TAFA4: variants seen among roughly 807,000 people sequenced by gnomAD.
TAFA4 encodes chemokine-like protein TAFA-4.
In TAFA4, 20 loss-of-function variants were observed where a neutral mutation model predicts 21.1. The observed-to-expected ratio is 0.95, with a 90% CI of 0.67 to 1.38. TAFA4 has a LOEUF of 1.38. Ranked by LOEUF, TAFA4 falls within the 40% of genes most tolerant of loss-of-function variation. The pLI is 0.00. For synonymous variants in TAFA4, 71 were observed against 67.4 expected (o/e 1.05, Z -0.26); for missense variants, 211 against 180.9 (o/e 1.17, Z -0.95).
At chr3:68,760,816 G>C (rs1702744250) in intron 3 of TAFA4, among the ~76,000 whole-genome samples, 1 of 152,122 alleles carries the variant, frequency 6.6e-6, no homozygotes, top group Non-Finnish European at 1.5e-5. Context: ...TTTTAATCAA[G>C]GAAGACATCG....
At chr3:68,885,080 TA>T in intron 2 of TAFA4, 94 bp downstream of exon 2, 2 of 1,235,628 alleles carry the variant, frequency 1.6e-6, no homozygotes, top group Non-Finnish European at 2.3e-6. Flanking sequence ...AGCAGGCTTC[TA>T]AAACGGATCA....
At chr3:68,918,239 T>A (rs909775915) in intron 1 of TAFA4, among the ~76,000 whole-genome samples, 6 of 151,730 alleles carry the variant, frequency 4.0e-5, no homozygotes, top group African/African-American at 1.5e-4. Context: ...TGGTAAGAAA[T>A]GAGAGATGGT....
chr3:68,799,191 G>A (rs1173347140), intron 3 of TAFA4, among the ~76,000 whole-genome samples: 1 of 152,164 alleles, frequency 6.6e-6, no homozygotes, highest in East Asian at 1.9e-4. Context: ...CATTCAGGCT[G>A]CTGTAACAAT....
chr3:68,819,733 T>C (rs1331892702), intron 3 of TAFA4, among the ~76,000 whole-genome samples: 4 of 152,110 alleles, frequency 2.6e-5, no homozygotes. Context: ...AAAGCCACAG[T>C]AAGATATCCC....
intron 3 of TAFA4, among the ~76,000 whole-genome samples, chr3:68,868,434 T>C (rs2089444145): frequency 1.3e-5 from 2 of 151,994 alleles, no homozygotes; most frequent in Admixed American, 1.3e-4. Context: ...TTCATCCAGC[T>C]GCTGCAAAAT....
At chr3:68,909,226 T>C (rs183844955) in intron 1 of TAFA4, among the ~76,000 whole-genome samples, 3 of 152,278 alleles carry the variant, frequency 2.0e-5, no homozygotes, top group East Asian at 1.9e-4. Context: ...GAATTTAGTA[T>C]CTGAAGTTCT....
In TAFA4 at chr3:68,782,527, T is replaced by C. The variant is rs201946871; in HGVS notation, c.131-29509A>G. Among the ~76,000 whole-genome samples, 37 of 152,300 alleles carry C rather than the reference T, an allele frequency of 2.4e-4. No homozygotes were observed. The East Asian group carries it at 6.7e-3, about 28-fold the overall frequency. On this transcript the variant is annotated intron_variant, in intron 3 of 5. Transcript: ENST00000295569. ...GGATGAATGAATAAATAAAATGTGA[T>C]ATATTCATACAATAAATTATCCAGT...
At chr3:68,739,427 C>CT (rs1248093485) in intron 4 of TAFA4, among the ~76,000 whole-genome samples, 2 of 152,150 alleles carry the variant, frequency 1.3e-5, no homozygotes, top group African/African-American at 2.4e-5. Context: ...AAAGGGAATG[C>CT]TTATACACTG....
At chr3:68,894,305 C>T (rs1016910049) in intron 1 of TAFA4, among the ~76,000 whole-genome samples, 9 of 152,018 alleles carry the variant, frequency 5.9e-5, no homozygotes, top group African/African-American at 1.9e-4. Context: ...ATGATAGGCA[C>T]GCATCCCCAT....
At chr3:68,869,577 G>A (rs567337428) in intron 3 of TAFA4, among the ~76,000 whole-genome samples, 36 of 152,154 alleles carry the variant, frequency 2.4e-4, no homozygotes, top group African/African-American at 7.9e-4. Context: ...CAATAAACAT[G>A]ATACATCAGA....
intron 2 of TAFA4, 41 bp from the exon 3 acceptor site, chr3:68,880,886 A>C: frequency 6.5e-7 from 1 of 1,532,074 alleles, no homozygotes; most frequent in Non-Finnish European, 9.0e-7. Flanking sequence ...GGGCTGAGGA[A>C]GGCCAGACTC....
chr3:68,823,952 CCTATTT>C (rs1704168788), intron 3 of TAFA4, among the ~76,000 whole-genome samples: 1 of 152,060 alleles, frequency 6.6e-6, no homozygotes, highest in Non-Finnish European at 1.5e-5. Flanking sequence ...TCTCTTCTGT[CCTATTT>C]CTGATTTTAT....
chr3:68,833,264 C>A (rs1575631506), intron 3 of TAFA4, among the ~76,000 whole-genome samples: 1 of 152,192 alleles, frequency 6.6e-6, no homozygotes, highest in East Asian at 1.9e-4. Context: ...AATCACCCAT[C>A]TTCTGTGTCA....
rs1296492156 is a variant in TAFA4 at position 68,733,088 on chromosome 3, A to G, written c.*54T>C. 1.2e-6 allele frequency: 2 copies of G among 1,610,558 alleles called. No homozygotes were observed. The highest frequency in any genetic ancestry group is 1.3e-5 in the African/African-American group (1 of 74,750). On this transcript the variant is annotated 3_prime_UTR_variant, in exon 6 of 6. Transcript: ENST00000295569. Reference sequence around the variant, plus strand: ...AGGGGCCATGATGGGAATCCAAGCAAAAGAGCTCCGCCTCCTGCTGCCCCT... The same window carrying G: ...AGGGGCCATGATGGGAATCCAAGCAGAAGAGCTCCGCCTCCTGCTGCCCCT...
chr3:68,867,887 G>GA (rs143162685), intron 3 of TAFA4, among the ~76,000 whole-genome samples: 9,021 of 151,872 alleles, frequency 0.059, 516 homozygotes, highest in African/African-American at 0.14. Context: ...TATTACCAGA[G>GA]AAAAAAATCA....
chr3:68,783,380 T>C (rs1703185326), intron 3 of TAFA4, among the ~76,000 whole-genome samples: 1 of 152,096 alleles, frequency 6.6e-6, no homozygotes. Flanking sequence ...GCAGACAGTC[T>C]CAGAACCAGA....
intron 3 of TAFA4, among the ~76,000 whole-genome samples, chr3:68,848,412 GTTCTTTA>G: frequency 6.6e-6 from 1 of 152,144 alleles, no homozygotes; most frequent in African/African-American, 2.4e-5. Flanking sequence ...TCATTTTTTA[GTTCTTTA>G]GACACAAGAT....
rs746821600 is a variant in TAFA4, at chr3:68,752,906, T to A, written c.243A>T (p.Gly81=). The A allele has an allele frequency of 9.9e-6, 16 of 1,614,084 alleles. No individual in the cohort carries two copies. The South Asian group carries it at 1.5e-4, about 16-fold the overall frequency. ...GAGCCCGAGTTGTGCCCGCCACCTG[T>A]CCCGGGAAGCAAGAGCACTTGACCG... The part of the protein sequence containing the change: ...SQTVKCSCFP[G]QVAGTTRAQP... The change falls in exon 4 of 6, where the codon GGA becomes GGT. Residue 81 remains glycine (G), a synonymous_variant. Coordinates refer to ENST00000295569, the MANE Select transcript of TAFA4 (RefSeq NM_182522.5).
intron 3 of TAFA4, among the ~76,000 whole-genome samples, chr3:68,877,969 G>A (rs1215424205): frequency 3.3e-5 from 5 of 152,078 alleles, no homozygotes; most frequent in Non-Finnish European, 5.9e-5. Context: ...CATTTTTACA[G>A]ATGATAAAAC....
Sources: gnomAD v4.1 joint callset for allele counts (sites outside exome capture counted in the v4.1 genomes callset) on GRCh38, gnomAD v4.1.1 for gene constraint, MANE v1.5 for transcripts, NCBI Gene and HGNC (gene_info 2026-07-23, HGNC 2026-07-21) for gene names.